Variants in STK10 observed in about 807,000 individuals in gnomAD.
STK10 encodes serine/threonine-protein kinase 10.
Under a neutral mutation model 113.8 loss-of-function variants are expected in STK10, and 78 were observed. That is an observed-to-expected ratio of 0.69 (90% confidence interval 0.57 to 0.83). The LOEUF is 0.83. STK10 is among the 40% of genes least tolerant of loss of function. The probability of loss-of-function intolerance (pLI) is 0.00; values close to 1 mark genes in which losing one functional copy is unlikely to be tolerated. For synonymous variants in STK10, 465 were observed against 494.7 expected, an observed-to-expected ratio of 0.94 and a Z score of 0.80; for missense variants, 1,109 against 1,280.1, an observed-to-expected ratio of 0.87 and a Z score of 2.04.
At chr5:172,111,030 CA>C (rs896297695) in intron 4 of STK10, among the ~76,000 whole-genome samples, 7 of 152,146 alleles carry the variant, frequency 4.6e-5, no homozygotes, top group African/African-American at 1.7e-4. Context: ...CAAGAGGGGA[CA>C]GGGGGCCCTC....
intron 4 of STK10, chr5:172,114,568 C>T (rs1176104635): frequency 7.1e-6 from 1 of 141,688 alleles, no homozygotes; most frequent in Admixed American, 7.2e-5. Flanking sequence ...CTGCAAGCTC[C>T]GCCTCCCGGG....
chr5:172,097,182 G>A (rs1225227971), intron 7 of STK10, among the ~76,000 whole-genome samples: 1 of 152,158 alleles, frequency 6.6e-6, no homozygotes. Flanking sequence ...GGGATTACAG[G>A]CATGTGCCAC....
At chr5:172,156,005 A>C (rs1770339960) in intron 2 of STK10, among the ~76,000 whole-genome samples, 1 of 152,136 alleles carries the variant, frequency 6.6e-6, no homozygotes, top group Non-Finnish European at 1.5e-5. Context: ...AAAAAAAAAA[A>C]AAAGAAGTTG....
chr5:172,078,003 G>A (rs56353062), intron 12 of STK10, among the ~76,000 whole-genome samples: 31,982 of 151,898 alleles, frequency 0.21, 4,357 homozygotes, highest in African/African-American at 0.38. Context: ...GGGGGGTCTC[G>A]TCCCTTCTAA....
At chr5:172,167,031 G>A (rs1005207906) in intron 1 of STK10, among the ~76,000 whole-genome samples, 4 of 152,036 alleles carry the variant, frequency 2.6e-5, no homozygotes, top group South Asian at 2.1e-4. Context: ...AAGATGGCGC[G>A]CACCTGTAGT....
chr5:172,100,275 A>C (rs1033327880), intron 7 of STK10, among the ~76,000 whole-genome samples: 1 of 152,216 alleles, frequency 6.6e-6, no homozygotes, highest in African/African-American at 2.4e-5. Context: ...GCTAGATCAC[A>C]GAGGAACTTG....
chr5:172,088,353 G>A (rs191265192), intron 10 of STK10, among the ~76,000 whole-genome samples: 4 of 152,114 alleles, frequency 2.6e-5, no homozygotes, highest in Admixed American at 2.0e-4. Context: ...GTGAAACCCC[G>A]TGTGTACTAA....
chr5:172,130,598 C>T (rs1189600214), intron 2 of STK10, among the ~76,000 whole-genome samples: 4 of 151,952 alleles, frequency 2.6e-5, no homozygotes, highest in Non-Finnish European at 5.9e-5. Context: ...TCAGACACTT[C>T]CCGCTTCTCC....
intron 18 of STK10, among the ~76,000 whole-genome samples, chr5:172,046,431 C>T (rs1767497373): frequency 6.6e-6 from 1 of 151,942 alleles, no homozygotes; most frequent in Admixed American, 6.6e-5. Flanking sequence ...AATTCCAGCA[C>T]ATAGGCTATC....
At chr5:172,141,422 C>CAA (rs34851359) in intron 2 of STK10, among the ~76,000 whole-genome samples, 1 of 150,406 alleles carries the variant, frequency 6.6e-6, no homozygotes, top group Non-Finnish European at 1.5e-5. Context: ...ACAAAAAATA[C>CAA]AAAAAAAAAT....
At chr5:172,138,382 A>T (rs1003010046) in intron 2 of STK10, among the ~76,000 whole-genome samples, 4 of 152,148 alleles carry the variant, frequency 2.6e-5, no homozygotes, top group African/African-American at 4.8e-5. Flanking sequence ...TTGGCCTCCC[A>T]AAGTGCTGGG....
chr5:172,113,396 T>G (rs1302167418), intron 4 of STK10, among the ~76,000 whole-genome samples: 2 of 152,200 alleles, frequency 1.3e-5, no homozygotes, highest in Non-Finnish European at 2.9e-5. Flanking sequence ...CATGATTTCG[T>G]AAAGATGATA....
chr5:172,150,755 C>A lies in STK10; in HGVS notation c.321+5869G>T, dbSNP rs141164800. On this transcript the variant is annotated intron_variant, in intron 2 of 18. Coordinates refer to ENST00000176763, the MANE Select transcript of STK10 (RefSeq NM_005990.4). The stretch of plus-strand genomic sequence containing the variant: ...ACACATGTGGACAGCAGGCTCATCC[C>A]ATCCATGCCCTGCTCTTGATCCTGG... Among the ~76,000 whole-genome samples the A allele has an allele frequency of 2.9e-3, 448 of 152,338 alleles. 3 individuals carry two copies. The highest frequency in any genetic ancestry group is 0.01 in the African/African-American group (422 of 41,578).
At chr5:172,119,956 G>T (rs1001693087) in intron 3 of STK10, among the ~76,000 whole-genome samples, 4 of 152,164 alleles carry the variant, frequency 2.6e-5, no homozygotes, top group Non-Finnish European at 5.9e-5. Context: ...CTCAGCTGGA[G>T]GTCATCACAG....
At chr5:172,066,957 C>A (rs1768085793) in intron 12 of STK10, among the ~76,000 whole-genome samples, 1 of 152,214 alleles carries the variant, frequency 6.6e-6, no homozygotes, top group African/African-American at 2.4e-5. Flanking sequence ...CACAGAAGAT[C>A]AGACAGAACC....
intron 2 of STK10, among the ~76,000 whole-genome samples, chr5:172,152,597 C>G (rs10223126): frequency 0.11 from 16,479 of 152,176 alleles, 1,025 homozygotes; most frequent in African/African-American, 0.16. Flanking sequence ...AATGTGGCGA[C>G]GGTAGAGACC....
intron 7 of STK10, among the ~76,000 whole-genome samples, chr5:172,097,378 G>A (rs919834340): frequency 1.3e-5 from 2 of 152,152 alleles, no homozygotes; most frequent in African/African-American, 4.8e-5. Context: ...CACCGTAACT[G>A]CCACCCAGCT....
chr5:172,057,391 C>T lies in STK10; in HGVS notation c.2295G>A (p.Gln765=), dbSNP rs781610109. The change falls in exon 15 of 19, where the codon CAG becomes CAA. Residue 765 remains glutamine, a synonymous_variant. Transcript: ENST00000176763. ...HQLVKQQLKD[Q]YFLQRHELLR... Reference sequence around the variant, plus strand: ...GCAGCTCGTGCCGCTGGAGGAAGTACTGGTCTTTGAGCTGCTGCTTCACCA... The same window carrying T: ...GCAGCTCGTGCCGCTGGAGGAAGTATTGGTCTTTGAGCTGCTGCTTCACCA... 3 of 1,560,270 alleles carry T rather than the reference C, an allele frequency of 1.9e-6. No individual in the cohort carries two copies. In the South Asian group the frequency reaches 3.5e-5, roughly 18 times the overall value.
intron 3 of STK10, among the ~76,000 whole-genome samples, chr5:172,118,461 C>T (rs1029156143): frequency 2.6e-5 from 4 of 152,112 alleles, no homozygotes; most frequent in Non-Finnish European, 4.4e-5. Flanking sequence ...GCTGGGGGAA[C>T]TGGAAGGCTG....
Sources: gnomAD v4.1 joint callset for allele counts (sites outside exome capture counted in the v4.1 genomes callset) on GRCh38, gnomAD v4.1.1 for gene constraint, MANE v1.5 for transcripts, NCBI Gene and HGNC (gene_info 2026-07-23, HGNC 2026-07-21) for gene names.